Variants in TMEM272 observed in about 807,000 individuals in gnomAD.
The protein encoded by TMEM272 is transmembrane protein 272, also known as long intergenic non-protein coding RNA 282.
TMEM272 carries 8 observed loss-of-function variants against 3.7 expected under a neutral mutation model. The ratio of observed to expected loss-of-function variants is 2.17; its 90% CI spans 1.27 to 3.91. The LOEUF (loss-of-function observed/expected upper bound fraction) is 3.91, where lower values mean the gene tolerates loss of function less well. Ranked by LOEUF, TMEM272 falls within the 30% of genes most tolerant of loss-of-function variation. The pLI is 0.00. For synonymous variants in TMEM272, 63 were observed against 39.8 expected (o/e 1.58, Z -2.20); for missense variants, 166 against 91.5 (o/e 1.81, Z -3.32).
chr13:51,822,047 T>C lies in TMEM272; in HGVS notation c.201+8A>G, dbSNP rs757494805. 5.7e-5 allele frequency: 40 copies of C among 702,386 alleles called. No individual in the cohort carries two copies. Among genetic ancestry groups the C allele is most frequent in the Middle Eastern group, 2.3e-4 (1 of 4,388 alleles). The allele number at this position is 702,386 out of a possible 1,614,324, so 43.5% of individuals were successfully genotyped here. A position where few individuals can be genotyped will look rare whatever the true frequency, so the allele number is the denominator to read the frequency against. ...AAGGACTACAAACAGCAGATAAAGA[T>C]ACTTTACCTTTAAGGTACCGACGAT... is the stretch of plus-strand genomic sequence containing the variant. On this transcript the variant is annotated splice_region_variant and intron_variant, in intron 4 of 4. Coordinates refer to ENST00000629372, the MANE Select transcript of TMEM272 (RefSeq NM_001351003.2).
the TMEM272 span, among the ~76,000 whole-genome samples, chr13:51,881,366 A>T: frequency 4.5e-5 from 3 of 66,016 alleles, no homozygotes; most frequent in African/African-American, 1.1e-4. Flanking sequence ...TAACTCTTTT[A>T]AAAAAAATCA....
chr13:51,817,454 T>C (rs1956043025), intron 4 of TMEM272, among the ~76,000 whole-genome samples: 5 of 152,174 alleles, frequency 3.3e-5, no homozygotes, highest in Admixed American at 2.0e-4. Flanking sequence ...CTCTCCTGTA[T>C]TGTGCTAGCA....
the TMEM272 span, chr13:51,866,350 C>T: frequency 3.6e-3 from 1,278 of 358,064 alleles, 14 homozygotes; most frequent in African/African-American, 0.024. Context: ...CCAGCCTGTG[C>T]GGGTGTTTGG....
At chr13:51,909,121 C>T in the TMEM272 span, 1 of 1,453,716 alleles carries the variant, frequency 6.9e-7, no homozygotes, top group Non-Finnish European at 9.6e-7. Context: ...ACATCAAGTG[C>T]ATAAGGATCT....
At chr13:51,820,873 T>A (rs771458037) in intron 4 of TMEM272, among the ~76,000 whole-genome samples, 9 of 152,164 alleles carry the variant, frequency 5.9e-5, no homozygotes, top group Non-Finnish European at 8.8e-5. Flanking sequence ...TGTGTACTTG[T>A]ACATTTTAGG....
At chr13:51,909,285 T>C in the TMEM272 span, 22 of 1,008,610 alleles carry the variant, frequency 2.2e-5, no homozygotes, top group Non-Finnish European at 3.4e-5. Flanking sequence ...CTTCCCTTGA[T>C]AAAAAAGAAT....
chr13:51,845,431 C>T (rs1956297460), upstream of TMEM272, among the ~76,000 whole-genome samples: 1 of 152,208 alleles, frequency 6.6e-6, no homozygotes, highest in Admixed American at 6.5e-5. Flanking sequence ...CCCTTGCCCT[C>T]CCTGCATGTT....
intron 4 of TMEM272, among the ~76,000 whole-genome samples, chr13:51,821,687 A>AAG (rs1326812779): frequency 8.4e-6 from 1 of 119,182 alleles, no homozygotes; most frequent in Non-Finnish European, 1.7e-5. Context: ...AAAAAAAAAA[A>AAG]GCAAAAAAAA....
chr13:51,819,644 T>C (rs943950261), intron 4 of TMEM272, among the ~76,000 whole-genome samples: 6 of 152,218 alleles, frequency 3.9e-5, no homozygotes, highest in African/African-American at 1.4e-4. Flanking sequence ...AGAGTTGATT[T>C]TTTGTTCCTT....
the TMEM272 span, among the ~76,000 whole-genome samples, chr13:51,931,583 A>G: frequency 1.4e-4 from 21 of 152,192 alleles, no homozygotes; most frequent in Admixed American, 1.0e-3. Flanking sequence ...GCACATGTGT[A>G]CCTACGTAAC....
the TMEM272 span, among the ~76,000 whole-genome samples, chr13:51,923,958 C>T: frequency 6.6e-6 from 1 of 152,210 alleles, no homozygotes; most frequent in Non-Finnish European, 1.5e-5. Context: ...ACCCCTCAGA[C>T]GAAGCCCCTT....
intron 2 of TMEM272, among the ~76,000 whole-genome samples, chr13:51,830,106 A>C (rs1304144451): frequency 6.6e-6 from 1 of 152,194 alleles, no homozygotes; most frequent in Admixed American, 6.5e-5. Flanking sequence ...TCAGCCACGT[A>C]CAAAAGCATT....
chr13:51,906,753 G>A, the TMEM272 span, among the ~76,000 whole-genome samples: 1 of 152,192 alleles, frequency 6.6e-6, no homozygotes, highest in Non-Finnish European at 1.5e-5. Context: ...GGCAGTTTCA[G>A]AGACAGCAAC....
At chr13:51,842,800 A>T (rs1956273740) in intron 1 of TMEM272, among the ~76,000 whole-genome samples, 1 of 152,228 alleles carries the variant, frequency 6.6e-6, no homozygotes, top group African/African-American at 2.4e-5. Context: ...TATTTCACAG[A>T]GTACGCTATA....
chr13:51,916,283 G>A, the TMEM272 span, among the ~76,000 whole-genome samples: 1 of 152,134 alleles, frequency 6.6e-6, no homozygotes, highest in Non-Finnish European at 1.5e-5. Context: ...TGAGGGAGAA[G>A]CTTCAGTGAA....
At chr13:51,830,957 G>A (rs368623632) in intron 2 of TMEM272, among the ~76,000 whole-genome samples, 3 of 150,412 alleles carry the variant, frequency 2.0e-5, no homozygotes, top group Non-Finnish European at 4.4e-5. Context: ...GCTCGAGGTC[G>A]AATGAGGCTC....
At chr13:51,893,084 T>G in the TMEM272 span, among the ~76,000 whole-genome samples, 1 of 152,230 alleles carries the variant, frequency 6.6e-6, no homozygotes, top group Admixed American at 6.5e-5. Flanking sequence ...ACACACTCCT[T>G]AAACATCCAC....
At chr13:51,889,643 T>G in the TMEM272 span, among the ~76,000 whole-genome samples, 52,763 of 149,564 alleles carry the variant, frequency 0.35, 9,314 homozygotes, top group East Asian at 0.45. Flanking sequence ...TGTGGGGGGG[T>G]TTTGTTTGTT....
At chr13:51,908,442 G>A in the TMEM272 span, 1 of 1,517,442 alleles carries the variant, frequency 6.6e-7, no homozygotes, top group Non-Finnish European at 9.1e-7. Context: ...ATCTGGAGAA[G>A]CTCCAAACAT....
Sources: allele counts gnomAD v4.1 joint callset (sites outside exome capture counted in the v4.1 genomes callset), GRCh38; gene constraint gnomAD v4.1.1; transcripts MANE v1.5; gene names NCBI Gene and HGNC (gene_info 2026-07-23, HGNC 2026-07-21).